Variants in TNFAIP8 observed in about 807,000 individuals in gnomAD.
TNFAIP8 encodes the protein tumor necrosis factor alpha-induced protein 8.
A neutral mutation model predicts 13.3 loss-of-function variants in TNFAIP8; 7 were observed. The observed-to-expected ratio is 0.52, with a 90% CI of 0.30 to 0.99. The LOEUF is 0.99. TNFAIP8 is among the 50% of genes least tolerant of loss of function. The pLI is 0.07. For missense variants in TNFAIP8, 258 were observed against 236.9 expected (o/e 1.09, Z -0.58); for synonymous variants, 94 against 87.6 (o/e 1.07, Z -0.41).
intron 1 of TNFAIP8, among the ~76,000 whole-genome samples, chr5:119,277,236 A>T (rs772066438): frequency 4.6e-5 from 7 of 152,084 alleles, no homozygotes; most frequent in Non-Finnish European, 2.9e-5. Flanking sequence ...TTGTGTTGTG[A>T]TTGTCATATG....
At chr5:119,353,041 A>G (rs1751232526), upstream of TNFAIP8, among the ~76,000 whole-genome samples, 1 of 152,214 alleles carries the variant, frequency 6.6e-6, no homozygotes, top group Non-Finnish European at 1.5e-5. Context: ...GGAGTTCAAC[A>G]TAGTATTTAA....
intron 1 of TNFAIP8, among the ~76,000 whole-genome samples, chr5:119,357,282 G>A (rs2112777575): frequency 6.6e-6 from 1 of 152,296 alleles, no homozygotes; most frequent in South Asian, 2.1e-4. Flanking sequence ...CAGGAGCATT[G>A]TTTTTGAGTT....
intron 1 of TNFAIP8, among the ~76,000 whole-genome samples, chr5:119,304,966 C>T (rs1749507123): frequency 1.3e-5 from 2 of 152,154 alleles, no homozygotes; most frequent in Non-Finnish European, 2.9e-5. Flanking sequence ...ATGAATGAGT[C>T]AGTGTAATCT....
chr5:119,318,835 T>A (rs1422176519), intron 1 of TNFAIP8, among the ~76,000 whole-genome samples: 1 of 152,152 alleles, frequency 6.6e-6, no homozygotes, highest in East Asian at 1.9e-4. Context: ...ATACTGGTTT[T>A]AAAAATTGTT....
chr5:119,391,271 T>G (rs1041485062), intron 1 of TNFAIP8: 11 of 647,400 alleles, frequency 1.7e-5, no homozygotes, highest in Non-Finnish European at 2.8e-5. Flanking sequence ...AGAAATAATC[T>G]TATATAATCA....
intron 1 of TNFAIP8, among the ~76,000 whole-genome samples, chr5:119,300,132 A>C (rs1029131899): frequency 6.6e-6 from 1 of 152,174 alleles, no homozygotes; most frequent in East Asian, 1.9e-4. Flanking sequence ...TGTGCCCACT[A>C]TCTGGCACTC....
At chr5:119,372,534 C>T (rs557818201) in intron 1 of TNFAIP8, among the ~76,000 whole-genome samples, 1 of 152,176 alleles carries the variant, frequency 6.6e-6, no homozygotes, top group South Asian at 2.1e-4. Flanking sequence ...AAAATAAATT[C>T]CTAGCTTTGT....
At chr5:119,327,722 G>A (rs537557987) in intron 1 of TNFAIP8, among the ~76,000 whole-genome samples, 2 of 152,284 alleles carry the variant, frequency 1.3e-5, no homozygotes, top group African/African-American at 4.8e-5. Context: ...GCCTCCCAAA[G>A]TGCTGGGATT....
At chr5:119,359,356 G>A (rs73239278) in intron 1 of TNFAIP8, among the ~76,000 whole-genome samples, 31,930 of 151,824 alleles carry the variant, frequency 0.21, 3,502 homozygotes, top group Non-Finnish European at 0.22. Context: ...ATCCCCTGTC[G>A]CCCTCTCTCA....
chr5:119,313,868 G>A (rs896812407), intron 1 of TNFAIP8, among the ~76,000 whole-genome samples: 5 of 152,230 alleles, frequency 3.3e-5, no homozygotes, highest in African/African-American at 9.6e-5. Context: ...TAAAGTGTAT[G>A]CTGCTGACCA....
chr5:119,355,246 A>G, upstream of TNFAIP8: 2 of 693,930 alleles, frequency 2.9e-6, no homozygotes, highest in Non-Finnish European at 2.6e-6. Context: ...TTTTGCTGGT[A>G]GCCGGGAGGG....
At chr5:119,364,282 C>A (rs1220246019) in intron 1 of TNFAIP8, among the ~76,000 whole-genome samples, 1 of 152,166 alleles carries the variant, frequency 6.6e-6, no homozygotes, top group African/African-American at 2.4e-5. Flanking sequence ...ACCCCTCTCA[C>A]AACTATCACT....
At chr5:119,355,769 C>A (rs544498534), upstream of TNFAIP8, 141 of 297,740 alleles carry the variant, frequency 4.7e-4, 1 homozygote, top group Middle Eastern at 3.6e-3. Flanking sequence ...AGTCGGCTGC[C>A]GTCTGGGCCT....
At chr5:119,299,280 T>A (rs573008981) in intron 1 of TNFAIP8, among the ~76,000 whole-genome samples, 1 of 152,264 alleles carries the variant, frequency 6.6e-6, no homozygotes, top group Non-Finnish European at 1.5e-5. Context: ...TACAGATGGG[T>A]TTTTGGTGTG....
intron 1 of TNFAIP8, among the ~76,000 whole-genome samples, chr5:119,337,289 C>G (rs1372135927): frequency 1.3e-5 from 2 of 152,060 alleles, no homozygotes; most frequent in Non-Finnish European, 2.9e-5. Context: ...TTTTGCCAAC[C>G]AAGGTGATTT....
At position 119,302,387 on chromosome 5, in the gene TNFAIP8, A is replaced by G. The variant is rs368206158; in HGVS notation, c.1+33480A>G. On this transcript the variant is annotated intron_variant, in intron 1 of 1. Transcript: ENST00000274456. ...ACACTAAATAGTTTTTTTCTCCTCT[A>G]TTTTTAGTATGTTTCCTGCTAGAAT... 2.6e-3 allele frequency among the ~76,000 whole-genome samples: 389 copies of G among 152,222 alleles called. 1 individual carries two copies. Among genetic ancestry groups the G allele is most frequent in the Non-Finnish European group, 4.5e-3 (304 of 67,980 alleles).
intron 1 of TNFAIP8, among the ~76,000 whole-genome samples, chr5:119,326,080 T>C (rs1245273939): frequency 1.3e-5 from 2 of 152,214 alleles, no homozygotes; most frequent in Admixed American, 6.5e-5. Context: ...TTATGTTTCA[T>C]TTCCCATGTC....
intron 1 of TNFAIP8, among the ~76,000 whole-genome samples, chr5:119,335,589 A>G (rs1750526902): frequency 6.6e-6 from 1 of 151,834 alleles, no homozygotes; most frequent in South Asian, 2.1e-4. Context: ...CACCCCACAG[A>G]CCCCAGACCA....
chr5:119,317,279 T>C (rs986007855), intron 1 of TNFAIP8, among the ~76,000 whole-genome samples: 1 of 152,152 alleles, frequency 6.6e-6, no homozygotes, highest in African/African-American at 2.4e-5. Context: ...ATTAAACCAA[T>C]AGAAATTAGC....
Sources: gnomAD v4.1 joint callset for allele counts (sites outside exome capture counted in the v4.1 genomes callset) on GRCh38, gnomAD v4.1.1 for gene constraint, MANE v1.5 for transcripts, NCBI Gene and HGNC (gene_info 2026-07-23, HGNC 2026-07-21) for gene names.